Variants in RPRD2 observed in about 807,000 individuals in gnomAD.
RPRD2 encodes regulation of nuclear pre-mRNA domain containing 2.
RPRD2 carries 12 observed loss-of-function variants against 104.4 expected under a neutral mutation model. The ratio of observed to expected loss-of-function variants is 0.11; its 90% CI spans 0.07 to 0.19. The LOEUF is 0.19. Ranked by LOEUF, RPRD2 falls within the 10% of genes least tolerant of loss-of-function variation. The pLI is 1.00. For missense variants in RPRD2, 1,543 were observed against 1,790.1 expected (o/e 0.86, Z 2.49); for synonymous variants, 714 against 684.9 (o/e 1.04, Z -0.66).
chr1:150,447,271 A>G (rs1666846178), intron 7 of RPRD2, among the ~76,000 whole-genome samples: 1 of 150,866 alleles, frequency 6.6e-6, no homozygotes, highest in South Asian at 2.1e-4. Context: ...TTTTTTCTTA[A>G]CCAGAAAACT....
intron 1 of RPRD2, among the ~76,000 whole-genome samples, chr1:150,410,815 A>G (rs967326936): frequency 6.6e-6 from 1 of 152,190 alleles, no homozygotes; most frequent in Non-Finnish European, 1.5e-5. Context: ...CGATTTTCTC[A>G]CAGTTCTAGA....
At chr1:150,432,072 A>T in intron 2 of RPRD2, among the ~76,000 whole-genome samples, 1 of 152,098 alleles carries the variant, frequency 6.6e-6, no homozygotes, top group Non-Finnish European at 1.5e-5. Flanking sequence ...ACACTAAAAA[A>T]ATGGTTAAGG....
intron 2 of RPRD2, among the ~76,000 whole-genome samples, chr1:150,432,059 T>C (rs916095115): frequency 6.6e-5 from 10 of 151,720 alleles, no homozygotes; most frequent in African/African-American, 2.4e-4. Context: ...ACTTTTGAAC[T>C]GTACACTAAA....
chr1:150,401,997 T>C (rs1663068784), intron 1 of RPRD2, among the ~76,000 whole-genome samples: 1 of 149,702 alleles, frequency 6.7e-6, no homozygotes, highest in African/African-American at 2.5e-5. Context: ...AGTCTCACTG[T>C]CACCCAGGCT....
rs1367991876 is a variant in RPRD2 at position 150,421,392 on chromosome 1, GT to G, written c.335+3673del. Among the ~76,000 whole-genome samples, 15 of 152,160 alleles carry G rather than the reference GT, an allele frequency of 9.9e-5. No homozygotes were observed. In the East Asian group the frequency reaches 2.9e-3, roughly 29 times the overall value. On this transcript the variant is annotated intron_variant, in intron 2 of 10. Transcript: ENST00000369068. ...ATCTGGATAAATGAAGATATATAGG[GT>G]TTTTTGAAGGAAAAGATTTGGTATT... is the stretch of plus-strand genomic sequence containing the variant.
intron 1 of RPRD2, among the ~76,000 whole-genome samples, chr1:150,370,740 A>AT (rs1172198258): frequency 5.9e-5 from 9 of 151,532 alleles, no homozygotes; most frequent in Non-Finnish European, 8.8e-5. Context: ...CACCCAGCTA[A>AT]TTTTTTGTAT....
chr1:150,377,104 G>A (rs765214139), intron 1 of RPRD2, among the ~76,000 whole-genome samples: 4 of 151,506 alleles, frequency 2.6e-5, no homozygotes, highest in African/African-American at 4.8e-5. Flanking sequence ...TCAGCTACTC[G>A]GGAGGCTGAG....
chr1:150,418,166 A>C (rs1422881921), intron 2 of RPRD2, among the ~76,000 whole-genome samples: 1 of 152,130 alleles, frequency 6.6e-6, no homozygotes, highest in African/African-American at 2.4e-5. Context: ...ATGGGGTTTC[A>C]CCATGTTAGC....
In RPRD2 at chr1:150,472,953, C is replaced by G; in HGVS notation, c.4005C>G (p.Thr1335=). 6.2e-7 allele frequency: 1 copy of G among 1,613,850 alleles called. No homozygotes were observed. Among genetic ancestry groups the G allele is most frequent in the Non-Finnish European group, 8.5e-7 (1 of 1,179,786 alleles). The change falls in exon 11 of 11, where the codon ACC becomes ACG. Residue 1335 remains threonine, a synonymous_variant. Transcript: ENST00000369068. ...PKDHSSLLQG[T]LAEHFGVLPG... ...ACCATAGTTCCCTCCTTCAAGGGAC[C>G]CTGGCTGAGCATTTTGGGGTACTCC...
rs1187925636 is a variant in RPRD2 at position 150,470,726 on chromosome 1, C to A, written c.1778C>A (p.Ser593Tyr). The A allele has an allele frequency of 6.2e-7, 1 of 1,614,030 alleles. No homozygotes were observed. The highest frequency in any genetic ancestry group is 1.7e-5 in the Admixed American group (1 of 60,026). Reference protein sequence around the residue: ...QPFIPKSFNYSPNSSTSEVSS... With the variant: ...QPFIPKSFNYYPNSSTSEVSS... ...TTTATTCCCAAAAGCTTCAACTATT[C>A]TCCTAACTCATCAACTTCTGAAGTC... is the stretch of plus-strand genomic sequence containing the variant. The change falls in exon 11 of 11, where the codon TCT (serine) becomes TAT (tyrosine). Residue 593 changes from serine to tyrosine, a missense_variant. Ser to Tyr is a moderately radical substitution (Grantham distance 144). This residue lies in a region of RPRD2 where 572 missense variants were observed against 787.3 expected (regional missense o/e 0.73). Transcript: ENST00000369068.
intron 2 of RPRD2, among the ~76,000 whole-genome samples, chr1:150,421,658 T>C (rs1210583308): frequency 6.6e-6 from 1 of 152,098 alleles, no homozygotes. Flanking sequence ...ATAAAGTATA[T>C]GGTAAATCAG....
At chr1:150,465,290 G>T (rs180725508) in intron 10 of RPRD2, among the ~76,000 whole-genome samples, 95 of 152,028 alleles carry the variant, frequency 6.2e-4, no homozygotes, top group Non-Finnish European at 1.5e-4. Flanking sequence ...GCTAATTTTT[G>T]TATTTTTAGT....
intron 1 of RPRD2, among the ~76,000 whole-genome samples, chr1:150,390,119 CAAAG>C (rs2102173101): frequency 6.6e-6 from 1 of 152,150 alleles, no homozygotes; most frequent in Non-Finnish European, 1.5e-5. Context: ...TTGCCAAACA[CAAAG>C]AAATAAACAA....
intron 7 of RPRD2, among the ~76,000 whole-genome samples, chr1:150,454,622 C>T (rs1055949666): frequency 2.0e-5 from 3 of 151,986 alleles, no homozygotes; most frequent in Non-Finnish European, 2.9e-5. Flanking sequence ...CTGGGGCAGG[C>T]GGATCACCTG....
At chr1:150,368,344 G>A (rs1262780632) in intron 1 of RPRD2, among the ~76,000 whole-genome samples, 2 of 151,030 alleles carry the variant, frequency 1.3e-5, no homozygotes, top group Non-Finnish European at 2.9e-5. Context: ...CCAGTCTGGA[G>A]TGCGGTGGCG....
At chr1:150,433,140 C>T (rs1297017352) in intron 2 of RPRD2, among the ~76,000 whole-genome samples, 1 of 151,898 alleles carries the variant, frequency 6.6e-6, no homozygotes, top group Non-Finnish European at 1.5e-5. Flanking sequence ...CTACTATGTA[C>T]CCATAAAAAT....
intron 9 of RPRD2, among the ~76,000 whole-genome samples, chr1:150,463,932 C>T (rs1668100111): frequency 1.3e-5 from 2 of 152,144 alleles, no homozygotes; most frequent in African/African-American, 4.8e-5. Context: ...CACTGGAGGT[C>T]AAGAGTTGAA....
chr1:150,388,027 CCACCTCAGCCTCCTAA>C (rs1661731245), intron 1 of RPRD2, among the ~76,000 whole-genome samples: 1 of 150,560 alleles, frequency 6.6e-6, no homozygotes, highest in Admixed American at 6.7e-5. Context: ...AGCCATCCTA[CCACCTCAGCCTCCTAA>C]GTAGCTGGGA....
chr1:150,366,952 A>G (rs1348403860), intron 1 of RPRD2, among the ~76,000 whole-genome samples: 1 of 152,122 alleles, frequency 6.6e-6, no homozygotes, highest in Non-Finnish European at 1.5e-5. Context: ...TTTTTTTTCT[A>G]GTCAGCAATA....
Sources: gnomAD v4.1 joint callset for allele counts (sites outside exome capture counted in the v4.1 genomes callset) on GRCh38, gnomAD v4.1.1 for gene constraint, gnomAD v4.1.1 regional missense constraint, MANE v1.5 for transcripts, NCBI Gene and HGNC (gene_info 2026-07-23, HGNC 2026-07-21) for gene names.